Variants in FZR1 observed in about 807,000 individuals in gnomAD.
FZR1 encodes the protein fizzy-related protein homolog.
FZR1 carries 11 observed loss-of-function variants against 63.6 expected under a neutral mutation model. That is an observed-to-expected ratio of 0.17 (90% confidence interval 0.11 to 0.29). FZR1 has a LOEUF of 0.29. FZR1 is among the 10% of genes least tolerant of loss of function. The probability of loss-of-function intolerance (pLI) is 1.00; values close to 1 mark genes in which losing one functional copy is unlikely to be tolerated. For synonymous variants in FZR1, 328 were observed against 297.9 expected, an observed-to-expected ratio of 1.10 and a Z score of -1.04; for missense variants, 440 against 687.5, an observed-to-expected ratio of 0.64 and a Z score of 4.03.
chr19:3,530,079 C>T (rs536211276), intron 7 of FZR1, among the ~76,000 whole-genome samples: 4 of 101,916 alleles, frequency 3.9e-5, no homozygotes, highest in South Asian at 3.5e-4. Context: ...GATGGGAGAG[C>T]GGATGGGAGA....
Position 3,534,866 on chromosome 19 carries a change from C to T in FZR1, c.*30C>T. The stretch of plus-strand genomic sequence containing the variant: ...GCCGGGCAGGACCGTGCCACACCAG[C>T]TGTCCAGAGTCGGAGGACCCCAGCT... On this transcript the variant is annotated 3_prime_UTR_variant, in exon 14 of 14. Coordinates refer to ENST00000441788, the MANE Select transcript of FZR1 (RefSeq NM_016263.4). The T allele has an allele frequency of 1.3e-6, 2 of 1,591,548 alleles. No individual in the cohort carries two copies. Among genetic ancestry groups the T allele is most frequent in the Non-Finnish European group, 8.6e-7 (1 of 1,161,438 alleles).
Position 3,535,156 on chromosome 19 carries a change from A to G in FZR1, c.*320A>G. The G allele has an allele frequency of 2.4e-6, 1 of 423,298 alleles. No homozygotes were observed. The highest frequency in any genetic ancestry group is 4.4e-6 in the Non-Finnish European group (1 of 228,646). The allele number at this position is 423,298 out of a possible 1,614,324, so 26.2% of individuals were successfully genotyped here. A position where few individuals can be genotyped will look rare whatever the true frequency, so the allele number is the denominator to read the frequency against. On this transcript the variant is annotated 3_prime_UTR_variant, in exon 14 of 14. Transcript: ENST00000441788. ...GCGACGGATGCCCCCTGGGACCCTC[A>G]CTGCCTCCGTCTGTTCATCACCTGC...
intron 7 of FZR1, among the ~76,000 whole-genome samples, chr19:3,529,677 T>C (rs1599789163): frequency 1.6e-5 from 1 of 62,772 alleles, no homozygotes. Flanking sequence ...TGGATGAGAG[T>C]GGTTGAGGGA....
chr19:3,528,518 T>C (rs1291897289), intron 7 of FZR1, among the ~76,000 whole-genome samples: 1 of 106,466 alleles, frequency 9.4e-6, no homozygotes, highest in Non-Finnish European at 2.1e-5. Flanking sequence ...GGCTCTCCCC[T>C]GTGTGTGTGT....
chr19:3,526,440 G>GC lies in FZR1; in HGVS notation c.387+60dup. On this transcript the variant is annotated intron_variant, in intron 5 of 13. Transcript: ENST00000441788. This position sits in a 1 kb window ranked among gnomAD's most constrained non-coding sequence, Gnocchi z 5.4. Reference sequence around the variant, plus strand: ...GCTGGCTCCCAGTGCAGCCTCCCCGGCCCCCCACCTCCCAGGCACCAGCTC... The same window carrying GC: ...GCTGGCTCCCAGTGCAGCCTCCCCGGCCCCCCCACCTCCCAGGCACCAGCTC... 6.9e-7 allele frequency: 1 copy of GC among 1,440,772 alleles called. No individual in the cohort carries two copies. Among genetic ancestry groups the GC allele is most frequent in the Non-Finnish European group, 9.4e-7 (1 of 1,062,010 alleles). 89.2% of individuals were successfully genotyped at this position (1,440,772 alleles called of 1,614,324 possible). A position where few individuals can be genotyped will look rare whatever the true frequency, so the allele number is the denominator to read the frequency against.
chr19:3,531,556 G>A (rs1287787293), intron 8 of FZR1, among the ~76,000 whole-genome samples, 158 bp from the exon 9 acceptor site: 1 of 152,224 alleles, frequency 6.6e-6, no homozygotes, highest in Admixed American at 6.5e-5. Context: ...CACTGAGGGG[G>A]GTTTATGCTT....
At chr19:3,534,568 C>G in intron 13 of FZR1, 55 bp downstream of exon 13, 1 of 1,218,808 alleles carries the variant, frequency 8.2e-7, no homozygotes, top group South Asian at 1.3e-5. Flanking sequence ...GTCCCAGGGT[C>G]GTCCCTGTCC....
intron 1 of FZR1, among the ~76,000 whole-genome samples, chr19:3,508,102 TG>T (rs1312521669): frequency 6.6e-5 from 2 of 30,294 alleles, no homozygotes; most frequent in Non-Finnish European, 6.5e-5. Flanking sequence ...CAGGCAGTGG[TG>T]GGGGTAGGGG....
intron 1 of FZR1, 44 bp from the exon 2 acceptor site, chr19:3,522,912 A>C: frequency 1.4e-5 from 13 of 956,264 alleles, no homozygotes; most frequent in Non-Finnish European, 2.1e-5. Flanking sequence ...GTCTCCGGGC[A>C]GCCGGCCCTG....
chr19:3,531,832 C>T lies in FZR1; in HGVS notation c.823+16C>T, dbSNP rs2083250616. The stretch of plus-strand genomic sequence containing the variant: ...GCACGCGTCGGTGAGGAGCCCGGGT[C>T]CCATGGCTGGTGAGCTCCCTGAGGC... On this transcript the variant is annotated intron_variant, in intron 9 of 13. Transcript: ENST00000441788. The T allele has an allele frequency of 3.2e-6, 5 of 1,549,328 alleles. No homozygotes were observed. The highest frequency in any genetic ancestry group is 4.4e-6 in the Non-Finnish European group (5 of 1,146,018).
chr19:3,520,065 A>G (rs2083088025), intron 1 of FZR1, among the ~76,000 whole-genome samples: 1 of 152,168 alleles, frequency 6.6e-6, no homozygotes, highest in Non-Finnish European at 1.5e-5. Flanking sequence ...TCAGGTCTCT[A>G]TAGACCCTCT....
intron 6 of FZR1, 77 bp downstream of exon 6, chr19:3,527,139 C>T (rs1196800262): frequency 8.5e-7 from 1 of 1,177,056 alleles, no homozygotes; most frequent in Non-Finnish European, 1.3e-6. Flanking sequence ...CCAGCTTCCT[C>T]CGCAGCCCTG....
At chr19:3,522,601 T>G (rs926973518) in intron 1 of FZR1, among the ~76,000 whole-genome samples, 1 of 152,184 alleles carries the variant, frequency 6.6e-6, no homozygotes. Context: ...TGGGTCCCCA[T>G]GGCTCCTCGG....
Position 3,516,026 on chromosome 19 carries a change from C to T in FZR1, c.-34-6930C>T, listed in dbSNP as rs2083056534. On this transcript the variant is annotated intron_variant, in intron 1 of 13. Transcript: ENST00000441788. The surrounding 1 kb of genome is among the most constrained non-coding windows in gnomAD (Gnocchi z 6.0). ...CTGCCGCAGTGACTCCATCTCTGCACACATGCATGCTGAGTTTCTAAGGAT... is the reference window on the plus strand; with the variant it reads ...CTGCCGCAGTGACTCCATCTCTGCATACATGCATGCTGAGTTTCTAAGGAT... Among the ~76,000 whole-genome samples, 1 of 152,206 alleles carries T rather than the reference C, an allele frequency of 6.6e-6. No individual in the cohort carries two copies. Among genetic ancestry groups the T allele is most frequent in the South Asian group, 2.1e-4 (1 of 4,830 alleles).
rs1284601146 is a variant in FZR1, at chr19:3,516,754, C to A, written c.-34-6202C>A. Among the ~76,000 whole-genome samples, 4 of 152,324 alleles carry A rather than the reference C, an allele frequency of 2.6e-5. No individual in the cohort carries two copies. The highest frequency in any genetic ancestry group is 3.4e-3 in the Middle Eastern group (1 of 294). On this transcript the variant is annotated intron_variant, in intron 1 of 13. Coordinates refer to ENST00000441788, the MANE Select transcript of FZR1 (RefSeq NM_016263.4). The surrounding 1 kb of genome is among the most constrained non-coding windows in gnomAD (Gnocchi z 6.0). ...GCCTGGGCCCTGTGGTTTTGCCCAC[C>A]AGCCTTGGGCAGCGTTGAGTGAGTT...
At position 3,532,626 on chromosome 19, in the gene FZR1, C is replaced by T. The variant is rs1317581295; in HGVS notation, c.1218C>T (p.Ala406=). 1 of 1,612,230 alleles carries T rather than the reference C, an allele frequency of 6.2e-7. No individual in the cohort carries two copies. The highest frequency in any genetic ancestry group is 8.5e-7 in the Non-Finnish European group (1 of 1,179,594). ...CGGGCTCCCAAGTGTGCAATCTGGCCTGGTCCAAGCACGCCAACGAGCTGG... is the reference window on the plus strand; with the variant it reads ...CGGGCTCCCAAGTGTGCAATCTGGCTTGGTCCAAGCACGCCAACGAGCTGG... The part of the protein sequence containing the change: ...IDTGSQVCNL[A]WSKHANELVS... The change falls in exon 11 of 14, where the codon GCC becomes GCT. Residue 406 remains alanine (A), a synonymous_variant. Transcript: ENST00000441788.
At chr19:3,512,751 G>A (rs117088717) in intron 1 of FZR1, among the ~76,000 whole-genome samples, 2,829 of 152,242 alleles carry the variant, frequency 0.019, 49 homozygotes, top group Admixed American at 0.032. Context: ...ATGACACCGA[G>A]GACATCCAAA....
chr19:3,520,022 CG>C (rs1300201934), intron 1 of FZR1, among the ~76,000 whole-genome samples: 3 of 152,114 alleles, frequency 2.0e-5, no homozygotes, highest in Non-Finnish European at 4.4e-5. Context: ...AAATCAGTCC[CG>C]GGGGGCCCCA....
At position 3,531,920 on chromosome 19, in the gene FZR1, C is replaced by T; in HGVS notation, c.833C>T (p.Ala278Val). ...TCCACCTGGCCTCCAGGGGCGCTGG[C>T]CTGGAATGCTGAGCAGCTGTCGTCC... ...EGHTARVGAL[A>V]WNAEQLSSGS... The change falls in exon 10 of 14, where the codon GCC (alanine) becomes GTC (valine). Residue 278 changes from alanine to valine, a missense_variant. By Grantham distance (64) the Ala-to-Val change is moderately conservative. Around this residue, in one of 5 missense-constraint regions of FZR1, gnomAD observed 208 missense variants for 363.6 expected, o/e 0.57. Transcript: ENST00000441788. The T allele has an allele frequency of 6.3e-7, 1 of 1,596,010 alleles. No homozygotes were observed.
Sources: allele counts gnomAD v4.1 joint callset (sites outside exome capture counted in the v4.1 genomes callset), GRCh38; gene constraint gnomAD v4.1.1; regional missense constraint gnomAD v4.1.1; non-coding constraint Gnocchi (gnomAD v3.1); transcripts MANE v1.5; gene names NCBI Gene and HGNC (gene_info 2026-07-23, HGNC 2026-07-21).